Variants in COG5 observed in about 807,000 individuals in gnomAD.
COG5 encodes the protein component of oligomeric golgi complex 5, also known as conserved oligomeric Golgi complex subunit 5.
In COG5, 86 loss-of-function variants were observed where a neutral mutation model predicts 110.4. The ratio of observed to expected loss-of-function variants is 0.78; its 90% CI spans 0.65 to 0.93. The LOEUF (loss-of-function observed/expected upper bound fraction) is 0.93. COG5 is among the 40% of genes least tolerant of loss of function. The probability of loss-of-function intolerance (pLI) is 0.00; values close to 1 mark genes in which losing one functional copy is unlikely to be tolerated. For synonymous variants in COG5, 360 were observed against 334.6 expected (o/e 1.08, Z -0.83); for missense variants, 1,077 against 987.0 (o/e 1.09, Z -1.22).
Position 107,554,280 on chromosome 7 carries a change from T to C in COG5, c.292+5A>G, listed in dbSNP as rs771805508. ...CATAATCTCTAGCAGTTATTAGAAA[T>C]ATACCTTCCAACGACTCAATCCCAG... On this transcript the variant is annotated splice_donor_5th_base_variant and intron_variant, in intron 3 of 21. Coordinates refer to ENST00000297135, the MANE Select transcript of COG5 (RefSeq NM_006348.5). 1.2e-6 allele frequency: 2 copies of C among 1,613,226 alleles called. No homozygotes were observed. Among genetic ancestry groups the C allele is most frequent in the South Asian group, 1.1e-5 (1 of 91,044 alleles).
chr7:107,483,890 A>ATTT (rs11392797), intron 6 of COG5, among the ~76,000 whole-genome samples: 1 of 147,786 alleles, frequency 6.8e-6, no homozygotes, highest in Non-Finnish European at 1.5e-5. Flanking sequence ...ATGGTTATAC[A>ATTT]TTTTTTTTTT....
intron 6 of COG5, among the ~76,000 whole-genome samples, chr7:107,510,630 T>C (rs1484860579): frequency 1.3e-5 from 2 of 152,156 alleles, no homozygotes; most frequent in South Asian, 2.1e-4. Context: ...TATTCCAAAA[T>C]TGACCACATA....
intron 5 of COG5, among the ~76,000 whole-genome samples, chr7:107,539,066 C>A (rs937197406): frequency 6.6e-6 from 1 of 151,910 alleles, no homozygotes; most frequent in Non-Finnish European, 1.5e-5. Flanking sequence ...TCACTTGAGT[C>A]CAGAAGTTTG....
intron 10 of COG5, among the ~76,000 whole-genome samples, chr7:107,358,019 T>C (rs2129044507): frequency 6.6e-6 from 1 of 152,320 alleles, no homozygotes; most frequent in Non-Finnish European, 1.5e-5. Flanking sequence ...TTCATTCACC[T>C]TAATAATTTA....
chr7:107,452,091 C>G (rs1449322596), intron 6 of COG5, among the ~76,000 whole-genome samples: 1 of 152,138 alleles, frequency 6.6e-6, no homozygotes, highest in Non-Finnish European at 1.5e-5. Context: ...TCTCACTGCT[C>G]CTATATCTCC....
At chr7:107,311,175 T>C (rs1808203284) in intron 11 of COG5, among the ~76,000 whole-genome samples, 1 of 152,130 alleles carries the variant, frequency 6.6e-6, no homozygotes, top group Admixed American at 6.5e-5. Context: ...TATAATTTTG[T>C]TGAGAACTCA....
intron 18 of COG5, 75 bp from the exon 19 acceptor site, chr7:107,230,766 G>T: frequency 8.6e-7 from 1 of 1,156,640 alleles, no homozygotes. Flanking sequence ...CCGGATCACA[G>T]AAAGTTGTAG....
chr7:107,472,793 A>T (rs964589866), intron 6 of COG5: 1 of 151,976 alleles, frequency 6.6e-6, no homozygotes. Context: ...AGTTAACATG[A>T]ATTTTGAAAA....
chr7:107,413,093 T>A lies in COG5; in HGVS notation c.539-461A>T, dbSNP rs76549108. ...TGTCACACATGTGATTATAGTTCAC[T>A]ATAGTCTCGAACTACTGGGCTCAAG... On this transcript the variant is annotated intron_variant, in intron 6 of 21. Transcript: ENST00000297135. 9.2e-5 allele frequency among the ~76,000 whole-genome samples: 14 copies of A among 152,050 alleles called. No homozygotes were observed. In the East Asian group the frequency reaches 2.7e-3, roughly 29 times the overall value.
chr7:107,554,385 A>G, intron 2 of COG5, 43 bp from the exon 3 acceptor site: 4 of 1,550,100 alleles, frequency 2.6e-6, no homozygotes, highest in South Asian at 2.2e-5. Flanking sequence ...TCTGTTAGGT[A>G]TTCTTCCTTG....
intron 10 of COG5, among the ~76,000 whole-genome samples, chr7:107,342,496 G>A (rs1378096187): frequency 6.6e-6 from 1 of 151,874 alleles, no homozygotes; most frequent in Non-Finnish European, 1.5e-5. Context: ...TGGCCAACCT[G>A]GTGAAACCCT....
intron 6 of COG5, among the ~76,000 whole-genome samples, chr7:107,425,435 G>C (rs2129075760): frequency 6.7e-6 from 1 of 148,790 alleles, no homozygotes; most frequent in Non-Finnish European, 1.5e-5. Context: ...AATGACCACA[G>C]AATCTTCATA....
At chr7:107,303,368 T>C (rs1807446052) in intron 11 of COG5, among the ~76,000 whole-genome samples, 1 of 152,192 alleles carries the variant, frequency 6.6e-6, no homozygotes, top group African/African-American at 2.4e-5. Context: ...AAGTCAATTA[T>C]ATTTAAAGCT....
chr7:107,489,405 A>G (rs1213562972), intron 6 of COG5, among the ~76,000 whole-genome samples: 1 of 152,188 alleles, frequency 6.6e-6, no homozygotes, highest in Non-Finnish European at 1.5e-5. Flanking sequence ...TAAAAAAGAA[A>G]GCTGTATAGT....
At chr7:107,323,073 G>GT (rs1298447169) in intron 11 of COG5, among the ~76,000 whole-genome samples, 1 of 152,154 alleles carries the variant, frequency 6.6e-6, no homozygotes, top group Non-Finnish European at 1.5e-5. Flanking sequence ...TGTAATGATG[G>GT]TTATATGAAT....
intron 5 of COG5, among the ~76,000 whole-genome samples, chr7:107,536,271 G>T (rs760770626): frequency 1.1e-4 from 17 of 152,134 alleles, no homozygotes; most frequent in Non-Finnish European, 2.4e-4. Context: ...TCTGGCCAGG[G>T]CAATCAGGCA....
Position 107,211,237 on chromosome 7 carries a change from A to AAAC in COG5, c.2169-15_2169-13dup, listed in dbSNP as rs1326968986. ...GGAAGAGCAGAGGTCTAGACGGGAAAAACAGAAGTTATTTCACACTGTTCA... is the reference window on the plus strand; with the variant it reads ...GGAAGAGCAGAGGTCTAGACGGGAAAAACAACAGAAGTTATTTCACACTGTTCA... On this transcript the variant is annotated splice_polypyrimidine_tract_variant and intron_variant, in intron 19 of 21. Coordinates refer to ENST00000297135, the MANE Select transcript of COG5 (RefSeq NM_006348.5). 6.2e-7 allele frequency: 1 copy of AAAC among 1,613,730 alleles called. No homozygotes were observed. The highest frequency in any genetic ancestry group is 8.5e-7 in the Non-Finnish European group (1 of 1,179,710).
chr7:107,476,180 ATT>A (rs11334850), intron 6 of COG5, among the ~76,000 whole-genome samples: 3 of 90,264 alleles, frequency 3.3e-5, no homozygotes, highest in African/African-American at 1.6e-4. Flanking sequence ...TAGTGCAATG[ATT>A]TTAAAAAAAA....
intron 14 of COG5, among the ~76,000 whole-genome samples, chr7:107,268,409 C>G (rs891739707): frequency 6.6e-6 from 1 of 151,896 alleles, no homozygotes; most frequent in Admixed American, 6.6e-5. Flanking sequence ...AATGTAAAAC[C>G]AGGAAAAAAG....
Sources: allele counts gnomAD v4.1 joint callset (sites outside exome capture counted in the v4.1 genomes callset), GRCh38; gene constraint gnomAD v4.1.1; transcripts MANE v1.5; gene names NCBI Gene and HGNC (gene_info 2026-07-23, HGNC 2026-07-21).